Variants in DIRAS2 observed in about 807,000 individuals in gnomAD.
DIRAS2 encodes the protein DIRAS family GTPase 2, also known as GTP-binding protein Di-Ras2.
A neutral mutation model predicts 13.9 loss-of-function variants in DIRAS2; 5 were observed. The observed-to-expected ratio is 0.36, with a 90% CI of 0.19 to 0.76. The LOEUF is 0.76. DIRAS2 is among the 30% of genes least tolerant of loss of function. The probability of loss-of-function intolerance (pLI) is 0.53; values close to 1 mark genes in which losing one functional copy is unlikely to be tolerated. For synonymous variants in DIRAS2, 111 were observed against 105.4 expected, an observed-to-expected ratio of 1.05 and a Z score of -0.33; for missense variants, 191 against 263.0, an observed-to-expected ratio of 0.73 and a Z score of 1.89.
At chr9:90,614,719 T>A (rs919019523) in intron 1 of DIRAS2, among the ~76,000 whole-genome samples, 2 of 152,160 alleles carry the variant, frequency 1.3e-5, no homozygotes, top group Non-Finnish European at 2.9e-5. Flanking sequence ...TCATCAAAAT[T>A]AAGATGATTA....
chr9:90,616,401 C>T (rs772665622), intron 1 of DIRAS2, among the ~76,000 whole-genome samples: 4 of 152,032 alleles, frequency 2.6e-5, no homozygotes, highest in Non-Finnish European at 5.9e-5. Context: ...CAAAAGATAA[C>T]TTCATAAATA....
At chr9:90,640,721 G>T (rs1011116692) in intron 1 of DIRAS2, among the ~76,000 whole-genome samples, 1 of 152,092 alleles carries the variant, frequency 6.6e-6, no homozygotes, top group African/African-American at 2.4e-5. Flanking sequence ...TGAATTGAAA[G>T]TTGCAGATCA....
At chr9:90,614,390 G>T (rs1825147429) in intron 1 of DIRAS2, among the ~76,000 whole-genome samples, 1 of 150,638 alleles carries the variant, frequency 6.6e-6, no homozygotes, top group African/African-American at 2.4e-5. Flanking sequence ...TGAGGGAAAA[G>T]GATGTTCTAA....
intron 1 of DIRAS2, among the ~76,000 whole-genome samples, chr9:90,639,735 C>T (rs1326252464): frequency 6.6e-6 from 1 of 152,158 alleles, no homozygotes; most frequent in Non-Finnish European, 1.5e-5. Context: ...TTCATAGAAT[C>T]ACAGGAATTA....
At chr9:90,640,981 TG>T (rs1249212620) in intron 1 of DIRAS2, among the ~76,000 whole-genome samples, 1 of 152,226 alleles carries the variant, frequency 6.6e-6, no homozygotes, top group Non-Finnish European at 1.5e-5. Flanking sequence ...GCACCCCAGT[TG>T]TTTTTTAAAA....
In DIRAS2 at chr9:90,613,347, G is replaced by T. The variant is rs769958205; in HGVS notation, c.481C>A (p.Leu161Ile). 2.5e-6 allele frequency: 4 copies of T among 1,614,070 alleles called. No homozygotes were observed. The highest frequency in any genetic ancestry group is 2.2e-5 in the East Asian group (1 of 44,852). ...TCCAGGTTGAGCAGCTCCTGGAAAA[G>T]CTCCTTCACGTTATGGTTGAGCTTG... ...SAKLNHNVKE[L>I]FQELLNLEKR... Residue 161 changes from leucine (L) to isoleucine (I), a missense_variant, in exon 2 of 2, where the codon CTT (leucine) becomes ATT (isoleucine). Coordinates refer to ENST00000375765, the MANE Select transcript of DIRAS2 (RefSeq NM_017594.5). This position sits in a 1 kb window ranked among gnomAD's most constrained non-coding sequence, Gnocchi z 5.6.
At chr9:90,628,946 C>T (rs1825297987) in intron 1 of DIRAS2, among the ~76,000 whole-genome samples, 2 of 152,202 alleles carry the variant, frequency 1.3e-5, no homozygotes, top group African/African-American at 4.8e-5. Flanking sequence ...GCTCCGCCTC[C>T]CGGGTTCACG....
At chr9:90,631,260 C>T (rs1274374382) in intron 1 of DIRAS2, among the ~76,000 whole-genome samples, 1 of 152,120 alleles carries the variant, frequency 6.6e-6, no homozygotes, top group East Asian at 1.9e-4. Flanking sequence ...GCTTGTCCAA[C>T]ATGCTCAAGA....
chr9:90,615,589 C>A (rs1259460100), intron 1 of DIRAS2, among the ~76,000 whole-genome samples: 1 of 152,106 alleles, frequency 6.6e-6, no homozygotes, highest in Non-Finnish European at 1.5e-5. Context: ...AACAGAATAC[C>A]TCAGATGAAA....
At chr9:90,633,302 G>C (rs1232744412) in intron 1 of DIRAS2, among the ~76,000 whole-genome samples, 1 of 152,210 alleles carries the variant, frequency 6.6e-6, no homozygotes, top group Non-Finnish European at 1.5e-5. Context: ...GGGAAAAGGG[G>C]TTGAGGTAGA....
intron 1 of DIRAS2, among the ~76,000 whole-genome samples, chr9:90,639,013 A>C (rs923353963): frequency 6.6e-6 from 1 of 152,184 alleles, no homozygotes; most frequent in Non-Finnish European, 1.5e-5. Flanking sequence ...TATTATGAGA[A>C]GGCCTAATGG....
At chr9:90,640,761 C>T (rs1348907277) in intron 1 of DIRAS2, among the ~76,000 whole-genome samples, 1 of 152,152 alleles carries the variant, frequency 6.6e-6, no homozygotes, top group African/African-American at 2.4e-5. Flanking sequence ...CTTAAAACAG[C>T]TGGCAGGCAA....
intron 1 of DIRAS2, among the ~76,000 whole-genome samples, chr9:90,615,412 T>C (rs1358965325): frequency 6.6e-6 from 1 of 152,218 alleles, no homozygotes; most frequent in Non-Finnish European, 1.5e-5. Flanking sequence ...GTTAGGAAGT[T>C]CATTAACACC....
At chr9:90,638,617 A>G (rs1185970743) in intron 1 of DIRAS2, among the ~76,000 whole-genome samples, 3 of 150,738 alleles carry the variant, frequency 2.0e-5, no homozygotes, top group Non-Finnish European at 4.4e-5. Context: ...CAAGGAGGCA[A>G]TGAAATACTC....
At position 90,612,716 on chromosome 9, in the gene DIRAS2, T is replaced by G. The variant is rs1019260448; in HGVS notation, c.*512A>C. 4 of 157,624 alleles carry G rather than the reference T, an allele frequency of 2.5e-5. No homozygotes were observed. Among genetic ancestry groups the G allele is most frequent in the African/African-American group, 9.7e-5 (4 of 41,390 alleles). The allele number at this position is 157,624 out of a possible 1,614,324, so 9.8% of individuals were successfully genotyped here. A position where few individuals can be genotyped will look rare whatever the true frequency, so the allele number is the denominator to read the frequency against. ...GACACCCTTTGGGGGAGAGGCTGTG[T>G]TTTTTAATCCCCTTTAAAAAAGTGT... On this transcript the variant is annotated 3_prime_UTR_variant, in exon 2 of 2. Transcript: ENST00000375765.
chr9:90,611,947 A>G lies in DIRAS2; in HGVS notation c.*1281T>C, dbSNP rs1825118617. ...CAGAGAAGCCTGCCTGTCTCCAGCC[A>G]CCATCCTATCCCCAAGCTAACACAG... On this transcript the variant is annotated 3_prime_UTR_variant, in exon 2 of 2. Transcript: ENST00000375765. 2.0e-5 allele frequency: 3 copies of G among 152,232 alleles called. No homozygotes were observed. Among genetic ancestry groups the G allele is most frequent in the Non-Finnish European group, 2.9e-5 (2 of 68,046 alleles). 9.4% of individuals were successfully genotyped at this position (152,232 alleles called of 1,614,324 possible).
Position 90,612,969 on chromosome 9 carries a change from A to G in DIRAS2, c.*259T>C, listed in dbSNP as rs547014659. 6.2e-6 allele frequency: 3 copies of G among 484,086 alleles called. No homozygotes were observed. The highest frequency in any genetic ancestry group is 1.1e-5 in the Non-Finnish European group (3 of 270,818). The allele number at this position is 484,086 out of a possible 1,614,324, so 30.0% of individuals were successfully genotyped here. A position where few individuals can be genotyped will look rare whatever the true frequency, so the allele number is the denominator to read the frequency against. On this transcript the variant is annotated 3_prime_UTR_variant, in exon 2 of 2. Coordinates refer to ENST00000375765, the MANE Select transcript of DIRAS2 (RefSeq NM_017594.5). ...CGGGTGTTCATCGCCACCTTCAGCAATTGCTGGCACCTCTCAGTTCCCAGG... is the reference window on the plus strand; with the variant it reads ...CGGGTGTTCATCGCCACCTTCAGCAGTTGCTGGCACCTCTCAGTTCCCAGG...
chr9:90,621,131 G>A (rs1291356737), intron 1 of DIRAS2, among the ~76,000 whole-genome samples: 1 of 152,138 alleles, frequency 6.6e-6, no homozygotes, highest in East Asian at 1.9e-4. Flanking sequence ...GTGACATTGG[G>A]GGGTGTGAAG....
intron 1 of DIRAS2, among the ~76,000 whole-genome samples, chr9:90,623,412 A>C (rs1029938221): frequency 2.6e-5 from 4 of 151,954 alleles, no homozygotes; most frequent in Admixed American, 1.3e-4. Flanking sequence ...CTGTCTCAAC[A>C]CTCCCTTATA....
Sources: gnomAD v4.1 joint callset for allele counts (sites outside exome capture counted in the v4.1 genomes callset) on GRCh38, gnomAD v4.1.1 for gene constraint, Gnocchi (gnomAD v3.1) non-coding constraint, MANE v1.5 for transcripts, NCBI Gene and HGNC (gene_info 2026-07-23, HGNC 2026-07-21) for gene names.